The following PTPRK variants were observed in gnomAD, a reference collection of about 807,000 sequenced individuals.
PTPRK encodes protein tyrosine phosphatase receptor type K, also known as receptor-type tyrosine-protein phosphatase kappa.
PTPRK carries 75 observed loss-of-function variants against 178.0 expected under a neutral mutation model. The observed-to-expected ratio is 0.42, with a 90% CI of 0.35 to 0.51. The LOEUF is 0.51. Among genes scored for constraint, PTPRK ranks in the 20% least tolerant of loss-of-function variants. The pLI, the probability that PTPRK is intolerant of heterozygous loss-of-function variation, is 0.02. For missense variants in PTPRK, 1,441 were observed against 1,797.8 expected (o/e 0.80, Z 3.59); for synonymous variants, 637 against 620.6 (o/e 1.03, Z -0.39).
At position 128,260,604 on chromosome 6, in the gene PTPRK, G is replaced by A. The variant is rs1347665351; in HGVS notation, c.496-18002C>T. 2.0e-5 allele frequency among the ~76,000 whole-genome samples: 3 copies of A among 152,142 alleles called. No individual in the cohort carries two copies. In the East Asian group the frequency reaches 5.8e-4, roughly 29 times the overall value. On this transcript the variant is annotated intron_variant, in intron 3 of 29. Coordinates refer to ENST00000368226, the MANE Select transcript of PTPRK (RefSeq NM_002844.4). ...GAAGCGAAACATGTTTCTTGAAGAT[G>A]CTTGTATAATGTCCATTTATGAAAG...
intron 3 of PTPRK, among the ~76,000 whole-genome samples, chr6:128,265,975 T>G (rs560731377): frequency 4.1e-4 from 62 of 152,194 alleles, no homozygotes; most frequent in Non-Finnish European, 8.7e-4. Flanking sequence ...GAGAACACAG[T>G]GAGTAGGCAC....
At chr6:128,082,935 C>T (rs906954710) in intron 9 of PTPRK, among the ~76,000 whole-genome samples, 23 of 151,868 alleles carry the variant, frequency 1.5e-4, no homozygotes, top group African/African-American at 5.6e-4. Flanking sequence ...AATCTTATAG[C>T]CATATACTTT....
intron 7 of PTPRK, among the ~76,000 whole-genome samples, chr6:128,114,678 G>A (rs1047454718): frequency 6.7e-6 from 1 of 149,908 alleles, no homozygotes; most frequent in Non-Finnish European, 1.5e-5. Context: ...ACAGCCTGGA[G>A]GAAACGACCC....
intron 2 of PTPRK, among the ~76,000 whole-genome samples, chr6:128,333,493 G>C (rs1002056078): frequency 1.3e-5 from 2 of 151,690 alleles, no homozygotes; most frequent in Non-Finnish European, 2.9e-5. Flanking sequence ...CTAAAAAAAA[G>C]GTATATAAGA....
intron 1 of PTPRK, among the ~76,000 whole-genome samples, chr6:128,497,387 A>T (rs1300858082): frequency 1.3e-5 from 2 of 152,182 alleles, no homozygotes; most frequent in African/African-American, 2.4e-5. Flanking sequence ...AGGCAGGGCG[A>T]TCCCTTGAGC....
chr6:128,179,079 A>ATGGGTT (rs1217830816), intron 7 of PTPRK, among the ~76,000 whole-genome samples: 1 of 151,974 alleles, frequency 6.6e-6, no homozygotes, highest in Non-Finnish European at 1.5e-5. Context: ...ACCTGAACCC[A>ATGGGTT]TCTATTTTCA....
intron 1 of PTPRK, among the ~76,000 whole-genome samples, chr6:128,511,845 T>A (rs1217807874): frequency 6.6e-6 from 1 of 152,126 alleles, no homozygotes; most frequent in Non-Finnish European, 1.5e-5. Flanking sequence ...GTTTGTAAAA[T>A]GGAGATGATC....
intron 21 of PTPRK, among the ~76,000 whole-genome samples, chr6:127,986,988 G>A (rs1776051786): frequency 6.6e-6 from 1 of 151,968 alleles, no homozygotes; most frequent in African/African-American, 2.4e-5. Flanking sequence ...TCACCCCAAT[G>A]GAAAATCACC....
intron 2 of PTPRK, among the ~76,000 whole-genome samples, chr6:128,392,862 T>C (rs1210494786): frequency 1.3e-5 from 2 of 152,194 alleles, no homozygotes; most frequent in Non-Finnish European, 2.9e-5. Flanking sequence ...CAAATCTTAA[T>C]AATTATGTAA....
chr6:128,520,391 C>T lies in PTPRK; in HGVS notation c.-33G>A, dbSNP rs746663795. The T allele has an allele frequency of 4.6e-5, 72 of 1,567,636 alleles. No homozygotes were observed. Among genetic ancestry groups the T allele is most frequent in the Non-Finnish European group, 6.1e-5 (70 of 1,153,900 alleles). On this transcript the variant is annotated 5_prime_UTR_variant, in exon 1 of 30. Coordinates refer to ENST00000368226, the MANE Select transcript of PTPRK (RefSeq NM_002844.4). ...TTGGGAGAAGTTTCAAGCAGCTTTG[C>T]AAAGAGCTGCCGGGGGGATCGCCGC... is the stretch of plus-strand genomic sequence containing the variant.
intron 2 of PTPRK, among the ~76,000 whole-genome samples, chr6:128,347,418 TGCA>T (rs1832569297): frequency 6.6e-6 from 1 of 152,222 alleles, no homozygotes; most frequent in Non-Finnish European, 1.5e-5. Context: ...CTAAATTAAT[TGCA>T]GGACCTTAGG....
At chr6:128,418,203 C>A (rs1584620152) in intron 1 of PTPRK, among the ~76,000 whole-genome samples, 1 of 152,290 alleles carries the variant, frequency 6.6e-6, no homozygotes, top group East Asian at 1.9e-4. Context: ...CATCCCCACC[C>A]TCGCACTCCT....
chr6:128,492,640 G>A (rs1853991872), intron 1 of PTPRK, among the ~76,000 whole-genome samples: 2 of 152,088 alleles, frequency 1.3e-5, no homozygotes, highest in Admixed American at 1.3e-4. Flanking sequence ...CGCAGCACCT[G>A]GCATGAGGAC....
chr6:128,228,693 CA>C (rs2128277916), intron 5 of PTPRK, among the ~76,000 whole-genome samples: 1 of 146,472 alleles, frequency 6.8e-6, no homozygotes, highest in African/African-American at 2.5e-5. Context: ...ACAACAACAA[CA>C]AAAAATTTTC....
At chr6:128,029,201 T>C (rs190015003) in intron 13 of PTPRK, among the ~76,000 whole-genome samples, 1 of 152,094 alleles carries the variant, frequency 6.6e-6, no homozygotes, top group African/African-American at 2.4e-5. Context: ...GTGTGGACCT[T>C]CCCTCTCCTG....
At chr6:128,506,384 C>A (rs2128440412) in intron 1 of PTPRK, among the ~76,000 whole-genome samples, 1 of 152,238 alleles carries the variant, frequency 6.6e-6, no homozygotes, top group Admixed American at 6.5e-5. Flanking sequence ...GTAAGCAATT[C>A]TTTGTAGGCC....
At chr6:128,440,009 A>G (rs2128399866) in intron 1 of PTPRK, among the ~76,000 whole-genome samples, 1 of 152,328 alleles carries the variant, frequency 6.6e-6, no homozygotes, top group Non-Finnish European at 1.5e-5. Flanking sequence ...ACAGGTCCAA[A>G]TATGTAGATT....
intron 3 of PTPRK, among the ~76,000 whole-genome samples, chr6:128,244,582 C>T (rs758046425): frequency 3.3e-5 from 5 of 152,140 alleles, no homozygotes; most frequent in Non-Finnish European, 5.9e-5. Context: ...ATTTCAGATA[C>T]GTGTGTAAAC....
intron 13 of PTPRK, among the ~76,000 whole-genome samples, chr6:128,039,449 C>T (rs1432542409): frequency 1.3e-5 from 2 of 151,922 alleles, no homozygotes; most frequent in Non-Finnish European, 2.9e-5. Flanking sequence ...ATAACGAATG[C>T]CAACTGAAAT....
Sources: gnomAD v4.1 joint callset for allele counts (sites outside exome capture counted in the v4.1 genomes callset) on GRCh38, gnomAD v4.1.1 for gene constraint, MANE v1.5 for transcripts, NCBI Gene and HGNC (gene_info 2026-07-23, HGNC 2026-07-21) for gene names.